The following SUCLG2 variants were observed in gnomAD, a reference collection of about 807,000 sequenced individuals.
The protein encoded by SUCLG2 is succinate-CoA ligase GDP-forming subunit beta, also known as succinate--CoA ligase [GDP-forming] subunit beta, mitochondrial.
In SUCLG2, 42 loss-of-function variants were observed where a neutral mutation model predicts 47.9. The observed-to-expected ratio is 0.88, with a 90% CI of 0.69 to 1.14. The LOEUF (loss-of-function observed/expected upper bound fraction) is 1.14. SUCLG2 is among the 50% of genes most tolerant of loss of function. SUCLG2 has a pLI of 0.00. For missense variants in SUCLG2, 571 were observed against 525.9 expected (o/e 1.09, Z -0.84); for synonymous variants, 195 against 197.3 (o/e 0.99, Z 0.10).
At chr3:67,437,169 G>C (rs1191083482) in intron 9 of SUCLG2, among the ~76,000 whole-genome samples, 1 of 152,070 alleles carries the variant, frequency 6.6e-6, no homozygotes, top group Non-Finnish European at 1.5e-5. Flanking sequence ...GCAAGCAGCA[G>C]CCCCCAAGAC....
intron 10 of SUCLG2, among the ~76,000 whole-genome samples, chr3:67,363,856 T>C (rs1453133071): frequency 7.3e-6 from 1 of 137,824 alleles, no homozygotes; most frequent in Non-Finnish European, 1.5e-5. Context: ...CTACATCAAA[T>C]ATAAGATGGC....
intron 2 of SUCLG2, among the ~76,000 whole-genome samples, chr3:67,575,386 T>C (rs546203230): frequency 5.3e-4 from 80 of 152,312 alleles, no homozygotes; most frequent in African/African-American, 1.8e-3. Flanking sequence ...TGCCAAGTCA[T>C]AGAAGAACCT....
At chr3:67,407,997 T>G (rs1702853635) in intron 9 of SUCLG2, among the ~76,000 whole-genome samples, 2 of 152,164 alleles carry the variant, frequency 1.3e-5, no homozygotes, top group Admixed American at 1.3e-4. Context: ...AATACTCTGC[T>G]AAATTAGAGG....
At chr3:67,538,680 C>T (rs1706614564) in intron 2 of SUCLG2, among the ~76,000 whole-genome samples, 1 of 152,302 alleles carries the variant, frequency 6.6e-6, no homozygotes, top group Admixed American at 6.5e-5. Context: ...ATTGATTCTT[C>T]CTATCCATAA....
chr3:67,569,451 G>C (rs1707553074), intron 2 of SUCLG2, among the ~76,000 whole-genome samples: 1 of 152,182 alleles, frequency 6.6e-6, no homozygotes, highest in African/African-American at 2.4e-5. Context: ...AGAGCCACCG[G>C]GGCATGGCTG....
rs751290878 is a variant in SUCLG2 at position 67,609,562 on chromosome 3, A to C, written c.119T>G (p.Leu40Arg). 1.2e-6 allele frequency: 2 copies of C among 1,613,906 alleles called. No individual in the cohort carries two copies. Among genetic ancestry groups the C allele is most frequent in the East Asian group, 4.5e-5 (2 of 44,864 alleles). ...CAGTTTCTTGCTCTGGTATTCCTGC[A>C]GGTTCAGCCATCTTCTGGAGGTTAA... Reference protein sequence around the residue: ...VQLTSRRWLNLQEYQSKKLMS... With the variant: ...VQLTSRRWLNRQEYQSKKLMS... Residue 40 changes from leucine to arginine, a missense_variant, in exon 2 of 11, where the codon CTG (leucine) becomes CGG (arginine). Coordinates refer to ENST00000307227, the MANE Select transcript of SUCLG2 (RefSeq NM_003848.4).
At chr3:67,615,303 A>G (rs562733446) in intron 1 of SUCLG2, among the ~76,000 whole-genome samples, 11 of 152,228 alleles carry the variant, frequency 7.2e-5, no homozygotes, top group Admixed American at 7.2e-4. Context: ...CATGGTTTTA[A>G]AATTAGAGGT....
chr3:67,508,861 T>A lies in SUCLG2; in HGVS notation c.703A>T (p.Ile235Phe), dbSNP rs1159763234. ...ITKLYNLFLK[I>F]DATQVEVNPF... ...TTCACTTCCACCTGAGTAGCATCAA[T>A]TTTCAGGAAGAGATTATACAGCTTC... The change falls in exon 7 of 11, where the codon ATT becomes TTT. Residue 235 changes from isoleucine (I) to phenylalanine (F), a missense_variant. Ile to Phe is a conservative substitution (Grantham distance 21). Coordinates refer to ENST00000307227, the MANE Select transcript of SUCLG2 (RefSeq NM_003848.4). 7 of 1,612,734 alleles carry A rather than the reference T, an allele frequency of 4.3e-6. No homozygotes were observed. The Admixed American group carries it at 1.2e-4, about 27-fold the overall frequency.
intron 9 of SUCLG2, among the ~76,000 whole-genome samples, chr3:67,419,024 T>C (rs1343782958): frequency 6.6e-6 from 1 of 151,976 alleles, no homozygotes; most frequent in Non-Finnish European, 1.5e-5. Flanking sequence ...AGGATCAGAA[T>C]ACAATGGTAT....
intron 1 of SUCLG2, among the ~76,000 whole-genome samples, chr3:67,639,183 A>T (rs1559608174): frequency 2.6e-5 from 4 of 152,196 alleles, no homozygotes. Flanking sequence ...TTCGAAAAAA[A>T]TGTATATGTA....
At chr3:67,556,010 G>A (rs747572204) in intron 2 of SUCLG2, among the ~76,000 whole-genome samples, 1 of 152,210 alleles carries the variant, frequency 6.6e-6, no homozygotes, top group Non-Finnish European at 1.5e-5. Flanking sequence ...TTCCCCGAGT[G>A]GGGGACCTGA....
At chr3:67,426,540 AC>A (rs1326431553) in intron 9 of SUCLG2, among the ~76,000 whole-genome samples, 2 of 152,212 alleles carry the variant, frequency 1.3e-5, no homozygotes, top group African/African-American at 2.4e-5. Flanking sequence ...GAACATACTT[AC>A]CATATTCAAG....
At chr3:67,585,589 C>G (rs1707993412) in intron 2 of SUCLG2, among the ~76,000 whole-genome samples, 1 of 152,032 alleles carries the variant, frequency 6.6e-6, no homozygotes, top group African/African-American at 2.4e-5. Flanking sequence ...AATGTAAGAG[C>G]TGACTACACC....
At chr3:67,374,117 T>C (rs77749721), downstream of SUCLG2, among the ~76,000 whole-genome samples, 1 of 152,014 alleles carries the variant, frequency 6.6e-6, no homozygotes, top group Admixed American at 6.6e-5. Context: ...ATATAGGTTA[T>C]TTTTTTTACT....
chr3:67,498,504 A>G (rs1705411668), intron 7 of SUCLG2, among the ~76,000 whole-genome samples: 1 of 152,198 alleles, frequency 6.6e-6, no homozygotes, highest in Non-Finnish European at 1.5e-5. Flanking sequence ...CTAGTAAAGA[A>G]CATAGTAATT....
chr3:67,640,556 G>A (rs1370662195), intron 1 of SUCLG2, among the ~76,000 whole-genome samples: 1 of 146,372 alleles, frequency 6.8e-6, no homozygotes, highest in Non-Finnish European at 1.5e-5. Context: ...CATTTATATA[G>A]ATTTTTTACT....
intron 1 of SUCLG2, among the ~76,000 whole-genome samples, chr3:67,632,740 C>T (rs1017803621): frequency 6.6e-6 from 1 of 152,116 alleles, no homozygotes; most frequent in Non-Finnish European, 1.5e-5. Context: ...AGATGGAAAA[C>T]GGAGGCACAG....
At chr3:67,446,437 T>A (rs1414795471) in intron 9 of SUCLG2, among the ~76,000 whole-genome samples, 2 of 122,406 alleles carry the variant, frequency 1.6e-5, no homozygotes, top group Non-Finnish European at 3.4e-5. Flanking sequence ...TTTTTTTTTT[T>A]TTTTTTTTTT....
Position 67,497,576 on chromosome 3 carries a change from A to G in SUCLG2, c.919+558T>C, listed in dbSNP as rs574426232. 2.0e-5 allele frequency among the ~76,000 whole-genome samples: 3 copies of G among 152,314 alleles called. No individual in the cohort carries two copies. The South Asian group carries it at 6.2e-4, about 32-fold the overall frequency. On this transcript the variant is annotated intron_variant, in intron 8 of 10. Transcript: ENST00000307227. ...TTATCACAGAACCTGAAACTTTAGC[A>G]ACGTGATTAAAGTGTATGTCCTCTT...
Sources: gnomAD v4.1 joint callset for allele counts (sites outside exome capture counted in the v4.1 genomes callset) on GRCh38, gnomAD v4.1.1 for gene constraint, MANE v1.5 for transcripts, NCBI Gene and HGNC (gene_info 2026-07-23, HGNC 2026-07-21) for gene names.